The following AFF1 variants were observed in gnomAD, a reference collection of about 807,000 sequenced individuals.
AFF1 encodes ALF transcription elongation factor 1, also known as AF4/FMR2 family member 1.
A neutral mutation model predicts 121.7 loss-of-function variants in AFF1; 48 were observed. The ratio of observed to expected loss-of-function variants is 0.39; its 90% CI spans 0.31 to 0.50. The LOEUF (loss-of-function observed/expected upper bound fraction) is 0.50, where lower values mean the gene tolerates loss of function less well. Among genes scored for constraint, AFF1 ranks in the 20% least tolerant of loss-of-function variants. The pLI is 0.76. For missense variants in AFF1, 1,523 were observed against 1,511.7 expected (o/e 1.01, Z -0.12); for synonymous variants, 613 against 563.0 (o/e 1.09, Z -1.26).
rs199540283 is a variant in AFF1 at position 87,114,879 on chromosome 4, C to G, written c.2046C>G (p.Ser682=). The change falls in exon 12 of 21, where the codon TCC becomes TCG. Residue 682 remains serine (S), a synonymous_variant. Coordinates refer to ENST00000395146, the MANE Select transcript of AFF1 (RefSeq NM_001166693.3). The part of the protein sequence containing the change: ...PSSEKKKHKS[S]LPAPSKALSG... ...GTGAGAAGAAGAAGCACAAGAGCTC[C>G]CTCCCTGCCCCCTCTAAGGCTCTCT... The G allele has an allele frequency of 6.2e-7, 1 of 1,613,378 alleles. No homozygotes were observed. The highest frequency in any genetic ancestry group is 1.3e-5 in the African/African-American group (1 of 74,970).
At chr4:87,071,680 T>A (rs1226747563) in intron 4 of AFF1, among the ~76,000 whole-genome samples, 3 of 152,160 alleles carry the variant, frequency 2.0e-5, no homozygotes, top group Non-Finnish European at 4.4e-5. Context: ...CTAGATATCA[T>A]CTACTTGTGC....
intron 1 of AFF1, among the ~76,000 whole-genome samples, chr4:86,947,332 C>T (rs1395953371): frequency 6.6e-6 from 1 of 152,066 alleles, no homozygotes; most frequent in Admixed American, 6.5e-5. Context: ...AGTATGGAAA[C>T]ATGTAGTTAG....
At chr4:86,973,539 T>G (rs1262844753) in intron 2 of AFF1, among the ~76,000 whole-genome samples, 1 of 152,178 alleles carries the variant, frequency 6.6e-6, no homozygotes, top group Non-Finnish European at 1.5e-5. Flanking sequence ...AATTTTTTAA[T>G]GTATTGAATT....
At chr4:87,020,910 A>T (rs1209518720) in intron 2 of AFF1, 2 of 860,824 alleles carry the variant, frequency 2.3e-6, no homozygotes, top group African/African-American at 3.7e-5. Flanking sequence ...GATATTTCTT[A>T]AAAAGATGTG....
rs1279242057 is a variant in AFF1 at position 87,047,753 on chromosome 4, C to G, written c.1059+159C>G. The G allele has an allele frequency of 4.2e-6, 4 of 960,472 alleles. No homozygotes were observed. In the Admixed American group the frequency reaches 6.8e-5, roughly 16 times the overall value. 59.5% of individuals were successfully genotyped at this position (960,472 alleles called of 1,614,324 possible). On this transcript the variant is annotated intron_variant, in intron 4 of 20. Transcript: ENST00000395146. ...GATCTTGTTAATAACCCGCGAAAAA[C>G]TCAGATCTGAGATGGACGACTGATT...
At chr4:87,061,187 G>A (rs1183224196) in intron 4 of AFF1, among the ~76,000 whole-genome samples, 5 of 152,152 alleles carry the variant, frequency 3.3e-5, no homozygotes, top group Non-Finnish European at 5.9e-5. Context: ...TGTTTCTAGT[G>A]ATCTGTCAGG....
chr4:87,025,323 C>T (rs1184060250), intron 2 of AFF1, among the ~76,000 whole-genome samples: 3 of 152,210 alleles, frequency 2.0e-5, no homozygotes, highest in Admixed American at 6.5e-5. Context: ...CAGCCCAAAA[C>T]TTTTTGGTAC....
At chr4:86,949,611 T>C in intron 2 of AFF1, 1 of 1,354,038 alleles carries the variant, frequency 7.4e-7, no homozygotes, top group Non-Finnish European at 1.0e-6. Flanking sequence ...TGGGCCCCAC[T>C]CCTCCCCCAG....
At chr4:87,059,001 G>A (rs567589198) in intron 4 of AFF1, among the ~76,000 whole-genome samples, 13 of 152,218 alleles carry the variant, frequency 8.5e-5, no homozygotes, top group Non-Finnish European at 1.6e-4. Context: ...TGTTGTCTGG[G>A]TTTTCTTCTA....
chr4:86,996,980 C>G (rs1466988686), intron 2 of AFF1, among the ~76,000 whole-genome samples: 4 of 152,162 alleles, frequency 2.6e-5, no homozygotes, highest in Admixed American at 6.5e-5. Flanking sequence ...GGCACGATCT[C>G]AGCTCACTGC....
chr4:87,092,979 G>C (rs1724467890), intron 7 of AFF1, among the ~76,000 whole-genome samples: 1 of 152,094 alleles, frequency 6.6e-6, no homozygotes, highest in Admixed American at 6.5e-5. Context: ...GGTCTGCTTG[G>C]GTTGCTGGTC....
chr4:87,118,549 C>G (rs552032295), intron 12 of AFF1, among the ~76,000 whole-genome samples: 3 of 152,360 alleles, frequency 2.0e-5, no homozygotes, highest in Admixed American at 1.3e-4. Flanking sequence ...GGGTCTCGCT[C>G]TGTTGCCCAG....
Position 87,046,422 on chromosome 4 carries a change from G to C in AFF1, c.159+136G>C, listed in dbSNP as rs779799873. On this transcript the variant is annotated intron_variant, in intron 3 of 20. Coordinates refer to ENST00000395146, the MANE Select transcript of AFF1 (RefSeq NM_001166693.3). ...AGATAACTTATTCTAACTTATTCTA[G>C]AGATTTTTGAAAACAAAGTATGAAA... 2 of 1,322,260 alleles carry C rather than the reference G, an allele frequency of 1.5e-6. No individual in the cohort carries two copies. Among genetic ancestry groups the C allele is most frequent in the African/African-American group, 3.0e-5 (2 of 67,644 alleles). The allele number at this position is 1,322,260 out of a possible 1,614,324, so 81.9% of individuals were successfully genotyped here.
intron 2 of AFF1, among the ~76,000 whole-genome samples, chr4:87,005,744 G>A (rs920512260): frequency 6.6e-6 from 1 of 152,302 alleles, no homozygotes; most frequent in Admixed American, 6.5e-5. Context: ...CAAGGGTCAA[G>A]ATTTAATGAA....
At chr4:87,097,632 C>A (rs1449458968) in intron 8 of AFF1, among the ~76,000 whole-genome samples, 2 of 152,002 alleles carry the variant, frequency 1.3e-5, no homozygotes, top group Admixed American at 6.6e-5. Context: ...GAAGTAGGAC[C>A]TAGTGGAAGG....
intron 1 of AFF1, among the ~76,000 whole-genome samples, chr4:86,938,040 G>A (rs1720168513): frequency 6.6e-6 from 1 of 152,168 alleles, no homozygotes; most frequent in Non-Finnish European, 1.5e-5. Flanking sequence ...GATGGAAGGA[G>A]TTCTATGTTC....
chr4:87,008,040 C>T (rs340637), intron 2 of AFF1, among the ~76,000 whole-genome samples: 96,268 of 151,962 alleles, frequency 0.63, 33,357 homozygotes, highest in South Asian at 0.8. Context: ...CCTGAAGCCC[C>T]GTCTTTCCAT....
intron 1 of AFF1, among the ~76,000 whole-genome samples, chr4:86,947,045 T>A (rs1479560327): frequency 6.6e-6 from 1 of 151,992 alleles, no homozygotes; most frequent in Non-Finnish European, 1.5e-5. Context: ...AGAGAAAGTG[T>A]GAGCAGCAAA....
chr4:86,949,628 A>G, intron 2 of AFF1: 1 of 1,429,772 alleles, frequency 7.0e-7, no homozygotes, highest in Non-Finnish European at 9.5e-7. Context: ...CCAGAATGCC[A>G]CCGGGTTGAG....
Sources: allele counts gnomAD v4.1 joint callset (sites outside exome capture counted in the v4.1 genomes callset), GRCh38; gene constraint gnomAD v4.1.1; transcripts MANE v1.5; gene names NCBI Gene and HGNC (gene_info 2026-07-23, HGNC 2026-07-21).